Variants in EPB41L4B observed in about 807,000 individuals in gnomAD.
The protein encoded by EPB41L4B is band 4.1-like protein 4B.
Under a neutral mutation model 112.5 loss-of-function variants are expected in EPB41L4B, and 30 were observed. The observed-to-expected ratio is 0.27, with a 90% confidence interval of 0.20 to 0.36. The LOEUF (loss-of-function observed/expected upper bound fraction) is 0.36, where lower values mean the gene tolerates loss of function less well. Among genes scored for constraint, EPB41L4B ranks in the 10% least tolerant of loss-of-function variants. The pLI, the probability that EPB41L4B is intolerant of heterozygous loss-of-function variation, is 1.00. For missense variants in EPB41L4B, 1,024 were observed against 1,133.3 expected (o/e 0.90, Z 1.38); for synonymous variants, 408 against 439.7 (o/e 0.93, Z 0.90).
Position 109,263,090 on chromosome 9 carries a change from A to C in EPB41L4B, c.591T>G (p.Pro197=), listed in dbSNP as rs1461414551. The C allele has an allele frequency of 6.3e-7, 1 of 1,593,174 alleles. No homozygotes were observed. ...HDILSGKLKC[P]YETAVELAAL... ...CAGCTAATTCCACAGCTGTTTCATA[A>C]GGGCATTTCAATCTTGAAAAAAATA... is the stretch of plus-strand genomic sequence containing the variant. The change falls in exon 6 of 26, where the codon CCT becomes CCG. Residue 197 remains proline, a synonymous_variant. Coordinates refer to ENST00000374566, the MANE Select transcript of EPB41L4B (RefSeq NM_019114.5).
At chr9:109,189,096 A>T (rs1427122970) in intron 22 of EPB41L4B, among the ~76,000 whole-genome samples, 1 of 152,200 alleles carries the variant, frequency 6.6e-6, no homozygotes. Flanking sequence ...TACCAACTGG[A>T]GAGCAGGTGC....
chr9:109,281,425 G>A lies in EPB41L4B; in HGVS notation c.307-1504C>T, dbSNP rs374133133. Among the ~76,000 whole-genome samples, 30 of 152,242 alleles carry A rather than the reference G, an allele frequency of 2.0e-4. No homozygotes were observed. The East Asian group carries it at 3.7e-3, about 19-fold the overall frequency. The stretch of plus-strand genomic sequence containing the variant: ...TAGGATGGCTGTAATTAAAAAGGCC[G>A]GGCACAGTGGCTCATGCCTGTAATC... On this transcript the variant is annotated intron_variant, in intron 1 of 25. Coordinates refer to ENST00000374566, the MANE Select transcript of EPB41L4B (RefSeq NM_019114.5).
chr9:109,194,490 A>T, intron 20 of EPB41L4B, 93 bp from the exon 21 acceptor site: 3 of 1,341,024 alleles, frequency 2.2e-6, no homozygotes, highest in Non-Finnish European at 3.1e-6. Flanking sequence ...TGGGAAGACC[A>T]GGGATGGGGA....
chr9:109,255,175 C>G lies in EPB41L4B; in HGVS notation c.1169+336G>C, dbSNP rs552814941. ...CCACTAGCCACATGTGGCTTCTTGG[C>G]CGCTTGAAATATGACTAGCGATACT... On this transcript the variant is annotated intron_variant, in intron 11 of 25. Coordinates refer to ENST00000374566, the MANE Select transcript of EPB41L4B (RefSeq NM_019114.5). Among the ~76,000 whole-genome samples, 22 of 152,294 alleles carry G rather than the reference C, an allele frequency of 1.4e-4. 1 individual carries two copies. The South Asian group carries it at 4.6e-3, about 32-fold the overall frequency.
At chr9:109,182,383 G>T (rs983913189) in intron 24 of EPB41L4B, among the ~76,000 whole-genome samples, 5 of 152,196 alleles carry the variant, frequency 3.3e-5, no homozygotes, top group Non-Finnish European at 7.3e-5. Context: ...AATGCAGACT[G>T]GTGGTTGCCA....
rs1439966851 is a variant in EPB41L4B, at chr9:109,182,721, C to G, written c.2487+8G>C. The G allele has an allele frequency of 1.2e-6, 2 of 1,603,784 alleles. No homozygotes were observed. Among genetic ancestry groups the G allele is most frequent in the South Asian group, 1.1e-5 (1 of 90,834 alleles). ...TAAAATGCACATCTGTTTTCTGGAT[C>G]TACTTACAGTAAACTGTGGCCCTGT... On this transcript the variant is annotated splice_region_variant and intron_variant, in intron 24 of 25. Coordinates refer to ENST00000374566, the MANE Select transcript of EPB41L4B (RefSeq NM_019114.5).
chr9:109,314,406 G>C (rs904998003), intron 1 of EPB41L4B, among the ~76,000 whole-genome samples: 4 of 152,162 alleles, frequency 2.6e-5, no homozygotes, highest in Non-Finnish European at 4.4e-5. Context: ...AATTCAATGA[G>C]ATTATGCACG....
chr9:109,282,021 A>G (rs1374666613), intron 1 of EPB41L4B, among the ~76,000 whole-genome samples: 1 of 152,286 alleles, frequency 6.6e-6, no homozygotes, highest in Non-Finnish European at 1.5e-5. Context: ...GGATCAACAA[A>G]AGACAGTATA....
At chr9:109,307,906 T>C (rs1009478553) in intron 1 of EPB41L4B, among the ~76,000 whole-genome samples, 14 of 152,116 alleles carry the variant, frequency 9.2e-5, no homozygotes, top group African/African-American at 3.4e-4. Context: ...TGCAGGAAGC[T>C]ACACTTGTTA....
chr9:109,253,211 T>C (rs1656716431), intron 12 of EPB41L4B, among the ~76,000 whole-genome samples: 1 of 151,994 alleles, frequency 6.6e-6, no homozygotes, highest in Non-Finnish European at 1.5e-5. Flanking sequence ...GAAAGAAATA[T>C]GGAGAAAGGG....
chr9:109,218,126 C>CTTTTTTTT (rs10654240), intron 15 of EPB41L4B, among the ~76,000 whole-genome samples: 16 of 106,556 alleles, frequency 1.5e-4, no homozygotes, highest in East Asian at 2.9e-4. Context: ...ACTAATAATT[C>CTTTTTTTT]TTTTTTTTTT....
At position 109,253,470 on chromosome 9, in the gene EPB41L4B, T is replaced by A; in HGVS notation, c.1250A>T (p.Tyr417Phe). ...STFERKPSKR[Y>F]PSRRHSTFKA... Reference sequence around the variant, plus strand: ...GAACGTTGAATGTCTCCGGGATGGATAACGTTTACTAGGCTTCCTCTCAAA... The same window carrying A: ...GAACGTTGAATGTCTCCGGGATGGAAAACGTTTACTAGGCTTCCTCTCAAA... Residue 417 changes from tyrosine to phenylalanine, a missense_variant, in exon 12 of 26, where the codon TAT becomes TTT. Transcript: ENST00000374566. 6.2e-7 allele frequency: 1 copy of A among 1,613,708 alleles called. No individual in the cohort carries two copies. Among genetic ancestry groups the A allele is most frequent in the African/African-American group, 1.3e-5 (1 of 75,040 alleles).
intron 18 of EPB41L4B, among the ~76,000 whole-genome samples, chr9:109,207,446 C>A (rs1404985111): frequency 6.6e-6 from 1 of 152,102 alleles, no homozygotes; most frequent in Non-Finnish European, 1.5e-5. Context: ...ATGGTGCATG[C>A]CTGTAGTCCC....
Position 109,320,231 on chromosome 9 carries a change from G to A in EPB41L4B, c.216C>T (p.Ala72=). Residue 72 remains alanine, a synonymous_variant, in exon 1 of 26, where the codon GCC becomes GCT. Transcript: ENST00000374566. ...CGGCGCCGGCGGCGGAGATGTGCAC[G>A]GCCGCGCCGCCGGTGAGCAGGGGCC... ...GGGPLLTGGA[A]VHISAAGAAK... is the part of the protein sequence containing the mutation. 7.7e-7 allele frequency: 1 copy of A among 1,301,652 alleles called. No homozygotes were observed. Among genetic ancestry groups the A allele is most frequent in the Non-Finnish European group, 9.8e-7 (1 of 1,021,248 alleles). 80.6% of individuals were successfully genotyped at this position (1,301,652 alleles called of 1,614,324 possible).
chr9:109,240,540 T>C, intron 15 of EPB41L4B: 1 of 985,280 alleles, frequency 1.0e-6, no homozygotes. Context: ...ACATTTCAGG[T>C]CTATTATTAA....
intron 5 of EPB41L4B, 29 bp from the exon 6 acceptor site, chr9:109,263,131 G>A (rs1046831368): frequency 1.4e-5 from 21 of 1,449,426 alleles, no homozygotes; most frequent in African/African-American, 1.4e-5. Flanking sequence ...AAATTAATTC[G>A]AAATAGGAAC....
intron 1 of EPB41L4B, among the ~76,000 whole-genome samples, chr9:109,292,245 G>A (rs10979808): frequency 0.91 from 138,336 of 152,270 alleles, 62,916 homozygotes; most frequent in Middle Eastern, 0.98. Flanking sequence ...AAGGATACCT[G>A]AAGCTACTTG....
At chr9:109,285,596 C>G (rs1030385625) in intron 1 of EPB41L4B, among the ~76,000 whole-genome samples, 1 of 152,102 alleles carries the variant, frequency 6.6e-6, no homozygotes, top group Non-Finnish European at 1.5e-5. Flanking sequence ...ATTATGAGGG[C>G]TGGAATGGAG....
chr9:109,291,181 C>T (rs1227612293), intron 1 of EPB41L4B, among the ~76,000 whole-genome samples: 1 of 152,204 alleles, frequency 6.6e-6, no homozygotes, highest in Non-Finnish European at 1.5e-5. Flanking sequence ...AATAGGGGCC[C>T]AGCCTTCCTG....
Sources: allele counts gnomAD v4.1 joint callset (sites outside exome capture counted in the v4.1 genomes callset), GRCh38; gene constraint gnomAD v4.1.1; transcripts MANE v1.5; gene names NCBI Gene and HGNC (gene_info 2026-07-23, HGNC 2026-07-21).